STK32A: variants seen among roughly 807,000 people sequenced by gnomAD.
The protein encoded by STK32A is serine/threonine kinase 32A.
A neutral mutation model predicts 53.2 loss-of-function variants in STK32A; 41 were observed. That is an observed-to-expected ratio of 0.77 (90% CI 0.60 to 1.00). The LOEUF (loss-of-function observed/expected upper bound fraction) is 1.00, where lower values mean the gene tolerates loss of function less well. Among genes scored for constraint, STK32A ranks in the 50% least tolerant of loss-of-function variants. The probability of loss-of-function intolerance (pLI) is 0.00; values close to 1 mark genes in which losing one functional copy is unlikely to be tolerated. For missense variants in STK32A, 458 were observed against 485.8 expected, an observed-to-expected ratio of 0.94 and a Z score of 0.54; for synonymous variants, 166 against 162.8, an observed-to-expected ratio of 1.02 and a Z score of -0.15.
At chr5:147,327,572 G>C (rs768549791) in intron 5 of STK32A, among the ~76,000 whole-genome samples, 1 of 152,198 alleles carries the variant, frequency 6.6e-6, no homozygotes, top group Non-Finnish European at 1.5e-5. Context: ...TCAGCACTAC[G>C]TGGAAGTAGG....
chr5:147,263,294 C>A (rs1334974648), intron 2 of STK32A, among the ~76,000 whole-genome samples: 1 of 152,150 alleles, frequency 6.6e-6, no homozygotes, highest in South Asian at 2.1e-4. Context: ...AACATCCAGG[C>A]CGCAGCTAGA....
chr5:147,351,251 G>T lies in STK32A; in HGVS notation c.562+97G>T, dbSNP rs190957306. Reference sequence around the variant, plus strand: ...GGGGATTTGCAGCTAGAACTGGTAAGTTCCTCTCTGACTTTACCTGTGGAG... The same window carrying T: ...GGGGATTTGCAGCTAGAACTGGTAATTTCCTCTCTGACTTTACCTGTGGAG... On this transcript the variant is annotated intron_variant, in intron 7 of 12. Transcript: ENST00000397936. 4.8e-6 allele frequency: 5 copies of T among 1,033,042 alleles called. No individual in the cohort carries two copies. The East Asian group carries it at 1.0e-4, about 21-fold the overall frequency. The allele number at this position is 1,033,042 out of a possible 1,614,324, so 64.0% of individuals were successfully genotyped here.
chr5:147,389,739 C>T (rs570826384), downstream of STK32A, among the ~76,000 whole-genome samples: 115 of 152,152 alleles, frequency 7.6e-4, no homozygotes, highest in Middle Eastern at 6.8e-3. Flanking sequence ...GTTGTGGTGG[C>T]GCGTGCCTGT....
intron 11 of STK32A, 25 bp from the exon 12 acceptor site, chr5:147,383,415 AT>A (rs752440513): frequency 1.3e-5 from 20 of 1,567,018 alleles, no homozygotes; most frequent in South Asian, 3.5e-5. Flanking sequence ...CTATACCTCT[AT>A]TTTTTTTCTA....
chr5:147,339,618 C>T (rs1030625744), intron 5 of STK32A, among the ~76,000 whole-genome samples: 3 of 152,226 alleles, frequency 2.0e-5, no homozygotes, highest in African/African-American at 7.2e-5. Flanking sequence ...AGCCAATGAA[C>T]GCAGCCAGGA....
intron 2 of STK32A, among the ~76,000 whole-genome samples, chr5:147,241,576 T>G (rs1241415903): frequency 6.6e-6 from 1 of 152,240 alleles, no homozygotes; most frequent in Non-Finnish European, 1.5e-5. Context: ...GGAGGCCCAT[T>G]CTTACTATTT....
intron 4 of STK32A, among the ~76,000 whole-genome samples, chr5:147,301,490 T>C (rs1043136525): frequency 1.3e-5 from 2 of 152,150 alleles, no homozygotes; most frequent in African/African-American, 4.8e-5. Flanking sequence ...GATTCTTGAG[T>C]GGACAACTGC....
At chr5:147,263,517 A>G (rs564826408) in intron 2 of STK32A, among the ~76,000 whole-genome samples, 1 of 152,298 alleles carries the variant, frequency 6.6e-6, no homozygotes, top group East Asian at 1.9e-4. Context: ...TATGAAAACC[A>G]AAAAACAAAT....
chr5:147,328,871 G>A (rs1209557365), intron 5 of STK32A, among the ~76,000 whole-genome samples: 1 of 152,126 alleles, frequency 6.6e-6, no homozygotes, highest in African/African-American at 2.4e-5. Flanking sequence ...ACTCAATTAT[G>A]AATTTAAGCT....
At chr5:147,250,254 G>A (rs1402278560) in intron 2 of STK32A, among the ~76,000 whole-genome samples, 3 of 152,086 alleles carry the variant, frequency 2.0e-5, no homozygotes, top group Non-Finnish European at 4.4e-5. Context: ...CTAAATGATG[G>A]TGCCAAGTAG....
rs1249175356 is a variant in STK32A at position 147,325,851 on chromosome 5, C to T, written c.434+1780C>T. ...GAGTCCCTCTCAAAACTTTCCTGCT[C>T]GTTCATTCTCCCAAAAATTGCCAAC... On this transcript the variant is annotated intron_variant, in intron 5 of 12. Coordinates refer to ENST00000397936, the MANE Select transcript of STK32A (RefSeq NM_001112724.2). 3.9e-5 allele frequency among the ~76,000 whole-genome samples: 6 copies of T among 152,246 alleles called. No individual in the cohort carries two copies. The East Asian group carries it at 5.8e-4, about 15-fold the overall frequency.
At chr5:147,314,010 A>C (rs1014274787) in intron 4 of STK32A, among the ~76,000 whole-genome samples, 1 of 152,160 alleles carries the variant, frequency 6.6e-6, no homozygotes. Context: ...CCTTGTAATC[A>C]CTAATTGTTC....
intron 4 of STK32A, among the ~76,000 whole-genome samples, chr5:147,291,953 T>A (rs984094983): frequency 7.2e-5 from 11 of 152,196 alleles, no homozygotes; most frequent in African/African-American, 2.7e-4. Flanking sequence ...AACTTTTTCA[T>A]AAGGAATCTC....
At chr5:147,283,312 G>C (rs978065125) in intron 4 of STK32A, among the ~76,000 whole-genome samples, 1 of 151,976 alleles carries the variant, frequency 6.6e-6, no homozygotes, top group African/African-American at 2.4e-5. Flanking sequence ...AAGCAAAGTT[G>C]ATAGCCCTAA....
At chr5:147,389,436 A>C (rs1481188483), downstream of STK32A, among the ~76,000 whole-genome samples, 1 of 152,180 alleles carries the variant, frequency 6.6e-6, no homozygotes, top group Non-Finnish European at 1.5e-5. Flanking sequence ...TCTTCTGGCC[A>C]CAGTGACTAG....
chr5:147,366,932 A>G lies in STK32A; in HGVS notation c.661-3722A>G, dbSNP rs573297050. On this transcript the variant is annotated intron_variant, in intron 8 of 12. Coordinates refer to ENST00000397936, the MANE Select transcript of STK32A (RefSeq NM_001112724.2). ...ACAGCTTTCTAGATCAGAACACCTA[A>G]ATCTATTTTCTTTTTAAGGATTAAA... 2.8e-4 allele frequency among the ~76,000 whole-genome samples: 42 copies of G among 152,076 alleles called. No individual in the cohort carries two copies. The South Asian group carries it at 5.0e-3, about 18-fold the overall frequency.
At chr5:147,260,290 CGCCTG>C (rs1372545496) in intron 2 of STK32A, among the ~76,000 whole-genome samples, 42 of 104,620 alleles carry the variant, frequency 4.0e-4, no homozygotes, top group African/African-American at 1.6e-3. Context: ...CTCTCTCTCT[CGCCTG>C]TCTCTCTCTC....
chr5:147,345,834 A>G (rs1015339109), intron 6 of STK32A, among the ~76,000 whole-genome samples: 28 of 152,080 alleles, frequency 1.8e-4, no homozygotes, highest in Non-Finnish European at 3.8e-4. Flanking sequence ...AAGGCTTTTT[A>G]AAATTTGGTC....
At chr5:147,268,843 G>C (rs958935686) in intron 2 of STK32A, among the ~76,000 whole-genome samples, 4 of 152,202 alleles carry the variant, frequency 2.6e-5, no homozygotes, top group Non-Finnish European at 5.9e-5. Context: ...TCTGAGTTGT[G>C]AGAGAGGGTC....
Sources: gnomAD v4.1 joint callset for allele counts (sites outside exome capture counted in the v4.1 genomes callset) on GRCh38, gnomAD v4.1.1 for gene constraint, MANE v1.5 for transcripts, NCBI Gene and HGNC (gene_info 2026-07-23, HGNC 2026-07-21) for gene names.